The following DPH6 variants were observed in gnomAD, a reference collection of about 807,000 sequenced individuals.
DPH6 encodes diphthine--ammonia ligase.
DPH6 carries 33 observed loss-of-function variants against 38.2 expected under a neutral mutation model. The observed-to-expected ratio is 0.86, with a 90% CI of 0.65 to 1.15. The LOEUF (loss-of-function observed/expected upper bound fraction) is 1.15, where lower values mean the gene tolerates loss of function less well. DPH6 is among the 50% of genes most tolerant of loss of function. DPH6 has a pLI of 0.00. For missense variants in DPH6, 325 were observed against 320.0 expected, an observed-to-expected ratio of 1.02 and a Z score of -0.12; for synonymous variants, 108 against 103.0, an observed-to-expected ratio of 1.05 and a Z score of -0.30.
At chr15:35,457,840 C>T (rs1488724811) in intron 3 of DPH6, among the ~76,000 whole-genome samples, 2 of 152,154 alleles carry the variant, frequency 1.3e-5, no homozygotes, top group Non-Finnish European at 2.9e-5. Context: ...ATGATCTTTA[C>T]TATTCCTATT....
At chr15:35,281,909 C>A (rs1174976415) in intron 3 of DPH6, among the ~76,000 whole-genome samples, 3 of 152,118 alleles carry the variant, frequency 2.0e-5, no homozygotes, top group Non-Finnish European at 4.4e-5. Flanking sequence ...TGTTTGTTTG[C>A]TTATTTTCAC....
At chr15:35,304,135 T>C (rs2052072287) in intron 3 of DPH6, among the ~76,000 whole-genome samples, 1 of 152,128 alleles carries the variant, frequency 6.6e-6, no homozygotes, top group Non-Finnish European at 1.5e-5. Flanking sequence ...TTTATCTGAT[T>C]ATCTAACAAA....
intron 3 of DPH6, chr15:35,237,753 C>A (rs2051564711): frequency 3.1e-6 from 5 of 1,612,396 alleles, no homozygotes; most frequent in Non-Finnish European, 3.4e-6. Context: ...CTGCAACTCA[C>A]ATATCTTGAC....
chr15:35,401,995 A>G (rs2053226613), intron 6 of DPH6, among the ~76,000 whole-genome samples: 1 of 152,180 alleles, frequency 6.6e-6, no homozygotes, highest in Non-Finnish European at 1.5e-5. Flanking sequence ...TCTTCTGTGG[A>G]AAGTGTAAAG....
rs773489733 is a variant in DPH6 at position 35,538,435 on chromosome 15, G to T, written c.151C>A (p.Gln51Lys). The change falls in exon 3 of 9, where the codon CAG (glutamine) becomes AAG (lysine). Residue 51 changes from glutamine (Q) to lysine (K), a missense_variant. Coordinates refer to ENST00000256538, the MANE Select transcript of DPH6 (RefSeq NM_080650.4). ...GSDELDSYMY[Q>K]TVGHHAIDLY... ...TCAATGGCATGGTGCCCCACTGTCT[G>T]ATACATGTAGCTATCCAGTTCATCA... is the stretch of plus-strand genomic sequence containing the variant. 1 of 1,584,026 alleles carries T rather than the reference G, an allele frequency of 6.3e-7. No homozygotes were observed. Among genetic ancestry groups the T allele is most frequent in the South Asian group, 1.1e-5 (1 of 88,064 alleles).
At position 35,237,495 on chromosome 15, in the gene DPH6, C is replaced by T. The variant is rs944652578; in HGVS notation, n.201-16913G>A. The T allele has an allele frequency of 3.8e-6, 6 of 1,570,852 alleles. No homozygotes were observed. The South Asian group carries it at 5.5e-5, about 15-fold the overall frequency. ...GCAACCAACGTAGGCCTCACCTCAA[C>T]TGCAAACTTACCGAAGTTAAACAAA... is the stretch of plus-strand genomic sequence containing the variant. On this transcript the variant is annotated intron_variant and non_coding_transcript_variant, in intron 3 of 3. Transcript: ENST00000560386.
chr15:35,208,285 C>G, the DPH6 span, among the ~76,000 whole-genome samples: 10 of 152,222 alleles, frequency 6.6e-5, no homozygotes, highest in Non-Finnish European at 1.3e-4. Flanking sequence ...AAATAAAGCA[C>G]AAATTCAGAA....
intron 5 of DPH6, among the ~76,000 whole-genome samples, chr15:35,442,462 T>A (rs956774658): frequency 2.0e-5 from 3 of 152,128 alleles, no homozygotes; most frequent in African/African-American, 7.2e-5. Flanking sequence ...AGAAATCAGT[T>A]TGGTGGTTGC....
At chr15:35,500,337 C>T (rs189825912) in intron 3 of DPH6, among the ~76,000 whole-genome samples, 16 of 152,240 alleles carry the variant, frequency 1.1e-4, no homozygotes, top group Non-Finnish European at 1.8e-4. Flanking sequence ...ACTATACTCT[C>T]GCCTTGCAAA....
At chr15:35,468,495 C>G (rs552877907) in intron 3 of DPH6, among the ~76,000 whole-genome samples, 1 of 152,236 alleles carries the variant, frequency 6.6e-6, no homozygotes, top group African/African-American at 2.4e-5. Context: ...CAAAATAAGA[C>G]AGATACCCCA....
intron 6 of DPH6, among the ~76,000 whole-genome samples, chr15:35,395,355 T>G (rs1352994444): frequency 6.6e-6 from 1 of 152,200 alleles, no homozygotes; most frequent in East Asian, 1.9e-4. Context: ...CCATGAATAC[T>G]GCTGCCAGAT....
chr15:35,289,341 A>G (rs931554834), intron 3 of DPH6, among the ~76,000 whole-genome samples: 3 of 152,238 alleles, frequency 2.0e-5, no homozygotes, highest in African/African-American at 4.8e-5. Flanking sequence ...ATTTACTTAT[A>G]ACATTAAAAC....
chr15:35,502,559 T>C (rs2054640982), intron 3 of DPH6, among the ~76,000 whole-genome samples: 1 of 151,948 alleles, frequency 6.6e-6, no homozygotes, highest in South Asian at 2.1e-4. Flanking sequence ...TTGTAATATA[T>C]ATTAACATGA....
chr15:35,272,421 G>A (rs1354986893), intron 3 of DPH6, among the ~76,000 whole-genome samples: 2 of 152,108 alleles, frequency 1.3e-5, no homozygotes, highest in Admixed American at 1.3e-4. Flanking sequence ...GTTATGGACT[G>A]AATTATGTCC....
intron 3 of DPH6, among the ~76,000 whole-genome samples, chr15:35,527,972 G>A (rs2055030018): frequency 6.6e-6 from 1 of 152,014 alleles, no homozygotes; most frequent in African/African-American, 2.4e-5. Context: ...AACTTTAAGG[G>A]GTCAATTAAT....
intron 3 of DPH6, among the ~76,000 whole-genome samples, chr15:35,515,699 C>T (rs2054836255): frequency 1.6e-5 from 2 of 124,690 alleles, no homozygotes; most frequent in South Asian, 2.7e-4. Flanking sequence ...CTGGCCTGGG[C>T]GTCAGAGCGA....
chr15:35,392,618 G>A (rs887147318), intron 6 of DPH6, among the ~76,000 whole-genome samples: 1 of 152,176 alleles, frequency 6.6e-6, no homozygotes, highest in African/African-American at 2.4e-5. Context: ...AATGGGAGCA[G>A]CCATGTATCC....
intron 3 of DPH6, among the ~76,000 whole-genome samples, chr15:35,234,737 T>C (rs1390082167): frequency 6.6e-6 from 1 of 152,244 alleles, no homozygotes; most frequent in African/African-American, 2.4e-5. Context: ...ATCTAAACTG[T>C]ATCAATGCAA....
chr15:35,474,257 G>C (rs965598152), intron 3 of DPH6, among the ~76,000 whole-genome samples: 1 of 152,032 alleles, frequency 6.6e-6, no homozygotes, highest in Non-Finnish European at 1.5e-5. Context: ...AAAAATACAA[G>C]AGAAAAATTC....
Sources: gnomAD v4.1 joint callset for allele counts (sites outside exome capture counted in the v4.1 genomes callset) on GRCh38, gnomAD v4.1.1 for gene constraint, MANE v1.5 for transcripts, NCBI Gene and HGNC (gene_info 2026-07-23, HGNC 2026-07-21) for gene names.